The following FAM120B variants were observed in gnomAD, a reference collection of about 807,000 sequenced individuals.
FAM120B encodes family with sequence similarity 120 member B.
Under a neutral mutation model 96.3 loss-of-function variants are expected in FAM120B, and 83 were observed. The ratio of observed to expected loss-of-function variants is 0.86; its 90% confidence interval spans 0.72 to 1.03. The LOEUF (loss-of-function observed/expected upper bound fraction) is 1.03. FAM120B is among the 50% of genes least tolerant of loss of function. The pLI is 0.00. For missense variants in FAM120B, 1,027 were observed against 1,121.2 expected (o/e 0.92, Z 1.20); for synonymous variants, 407 against 402.7 (o/e 1.01, Z -0.13).
At chr6:170,361,239 C>A (rs1367576524) in intron 6 of FAM120B, among the ~76,000 whole-genome samples, 5 of 58,754 alleles carry the variant, frequency 8.5e-5, no homozygotes, top group Non-Finnish European at 1.7e-4. Flanking sequence ...TATATATACA[C>A]GTATATATAT....
intron 3 of FAM120B, among the ~76,000 whole-genome samples, chr6:170,326,301 A>T (rs1315269895): frequency 6.6e-6 from 1 of 151,806 alleles, no homozygotes; most frequent in Admixed American, 6.6e-5. Flanking sequence ...CTGTGCAAAG[A>T]TCCTGCAGCT....
At chr6:170,346,391 TC>T (rs1157015034) in intron 4 of FAM120B, among the ~76,000 whole-genome samples, 1 of 152,240 alleles carries the variant, frequency 6.6e-6, no homozygotes, top group East Asian at 1.9e-4. Context: ...GTTTTTATTT[TC>T]TTCTTTATAC....
At chr6:170,299,135 G>A (rs560949414) in intron 1 of FAM120B, among the ~76,000 whole-genome samples, 21 of 152,324 alleles carry the variant, frequency 1.4e-4, no homozygotes, top group African/African-American at 5.1e-4. Context: ...AAGTTTGATA[G>A]AATTCACTAG....
intron 4 of FAM120B, among the ~76,000 whole-genome samples, chr6:170,346,061 A>T (rs890364473): frequency 6.6e-6 from 1 of 152,216 alleles, no homozygotes; most frequent in South Asian, 2.1e-4. Context: ...AACATAGAAA[A>T]GGTAGAGTAA....
chr6:170,303,271 ACT>A (rs1417458918), upstream of FAM120B, among the ~76,000 whole-genome samples: 1 of 152,006 alleles, frequency 6.6e-6, no homozygotes, highest in Admixed American at 6.6e-5. Context: ...ACAGCGTCCT[ACT>A]CTGTCACCCA....
intron 9 of FAM120B, 147 bp from the exon 10 acceptor site, chr6:170,404,403 A>G (rs1184872161): frequency 2.9e-5 from 18 of 611,436 alleles, no homozygotes; most frequent in South Asian, 4.3e-5. Context: ...TTTTAATGGC[A>G]TGTGGCCACA....
intron 2 of FAM120B, among the ~76,000 whole-genome samples, chr6:170,320,712 C>T (rs1785230395): frequency 6.6e-6 from 1 of 152,130 alleles, no homozygotes; most frequent in African/African-American, 2.4e-5. Context: ...TGGCAAGAGA[C>T]AGACATCTGG....
Position 170,297,632 on chromosome 6 carries a change from G to A in FAM120B, c.48+2179G>A, listed in dbSNP as rs1446207139. 2.0e-5 allele frequency among the ~76,000 whole-genome samples: 3 copies of A among 152,240 alleles called. No individual in the cohort carries two copies. The East Asian group carries it at 5.8e-4, about 29-fold the overall frequency. On this transcript the variant is annotated intron_variant, in intron 1 of 10. Transcript: ENST00000537664. ...TTCCACCTGTTGCCGGCTGCACTGGGCGTGGGTTATTGCAACCTCTAATGT... is the reference window on the plus strand; with the variant it reads ...TTCCACCTGTTGCCGGCTGCACTGGACGTGGGTTATTGCAACCTCTAATGT...
intron 4 of FAM120B, 127 bp from the exon 5 acceptor site, chr6:170,348,024 T>A: frequency 2.7e-6 from 2 of 742,948 alleles, no homozygotes; most frequent in Non-Finnish European, 4.2e-6. Flanking sequence ...TGATCATGTT[T>A]ACTTTCTAGT....
intron 3 of FAM120B, among the ~76,000 whole-genome samples, chr6:170,323,507 C>T (rs1465075713): frequency 3.3e-5 from 5 of 152,126 alleles, no homozygotes; most frequent in Admixed American, 3.3e-4. Context: ...TGCATGATTT[C>T]TATAAAATGT....
intron 6 of FAM120B, among the ~76,000 whole-genome samples, chr6:170,373,797 A>G (rs1789349789): frequency 6.6e-6 from 1 of 152,210 alleles, no homozygotes; most frequent in Middle Eastern, 3.2e-3. Context: ...CAATGAACAC[A>G]CTTTTAAAAT....
At chr6:170,359,678 A>G (rs894610512) in intron 6 of FAM120B, among the ~76,000 whole-genome samples, 2 of 152,102 alleles carry the variant, frequency 1.3e-5, no homozygotes, top group Non-Finnish European at 2.9e-5. Context: ...GGCTCAAGCC[A>G]TCCTCCCGCC....
intron 3 of FAM120B, among the ~76,000 whole-genome samples, chr6:170,328,483 C>T (rs1193626716): frequency 6.6e-6 from 1 of 152,132 alleles, no homozygotes; most frequent in Non-Finnish European, 1.5e-5. Context: ...TTTCTCCTGG[C>T]ATGTGTAGTT....
chr6:170,325,851 C>CAA (rs35486860), intron 3 of FAM120B, among the ~76,000 whole-genome samples: 4 of 119,498 alleles, frequency 3.3e-5, no homozygotes, highest in African/African-American at 6.5e-5. Flanking sequence ...GACTTCATCT[C>CAA]AAAAAAAAAA....
chr6:170,321,921 T>G (rs79412633), intron 2 of FAM120B, among the ~76,000 whole-genome samples: 2,923 of 152,328 alleles, frequency 0.019, 100 homozygotes, highest in African/African-American at 0.067. Flanking sequence ...ACTCTTAGGA[T>G]TCAGAGTTTT....
intron 1 of FAM120B, among the ~76,000 whole-genome samples, chr6:170,313,844 G>A (rs1039954624): frequency 6.6e-6 from 1 of 152,212 alleles, no homozygotes; most frequent in South Asian, 2.1e-4. Flanking sequence ...CTGTTAAGGT[G>A]GTTACAGCAG....
At chr6:170,292,140 T>A (rs1437797450), upstream of FAM120B, among the ~76,000 whole-genome samples, 1 of 152,216 alleles carries the variant, frequency 6.6e-6, no homozygotes, top group Non-Finnish European at 1.5e-5. The surrounding 1 kb of genome is among the most constrained non-coding windows in gnomAD (Gnocchi z 6.6). Context: ...CGGCGCATGT[T>A]CTAAAGCCCC....
Position 170,348,352 on chromosome 6 carries a change from T to C in FAM120B, c.2190+29T>C, listed in dbSNP as rs752666783. 7 of 1,605,132 alleles carry C rather than the reference T, an allele frequency of 4.4e-6. No individual in the cohort carries two copies. The Admixed American group carries it at 1.0e-4, about 23-fold the overall frequency. The stretch of plus-strand genomic sequence containing the variant: ...ATGTCCAGCTGCCCGTTCTAGTCAC[T>C]GCAGCCTGCGCTTACTTTATGAGAG... On this transcript the variant is annotated intron_variant, in intron 5 of 10. Transcript: ENST00000476287.
chr6:170,403,071 G>A (rs1453145556), intron 9 of FAM120B, among the ~76,000 whole-genome samples: 3 of 152,228 alleles, frequency 2.0e-5, no homozygotes, highest in Non-Finnish European at 4.4e-5. Flanking sequence ...GTTTAGGAAT[G>A]AGAGTGGGAG....
Sources: allele counts gnomAD v4.1 joint callset (sites outside exome capture counted in the v4.1 genomes callset), GRCh38; gene constraint gnomAD v4.1.1; non-coding constraint Gnocchi (gnomAD v3.1); transcripts MANE v1.5; gene names NCBI Gene and HGNC (gene_info 2026-07-23, HGNC 2026-07-21).